The following ULK4 variants were observed in gnomAD, a reference collection of about 807,000 sequenced individuals.
ULK4 encodes inactive serine/threonine-protein kinase ULK4.
ULK4 carries 133 observed loss-of-function variants against 160.6 expected under a neutral mutation model. The observed-to-expected ratio is 0.83, with a 90% CI of 0.72 to 0.96. ULK4 has a LOEUF of 0.96. Ranked by LOEUF, ULK4 falls within the 40% of genes least tolerant of loss-of-function variation. The pLI, the probability that ULK4 is intolerant of heterozygous loss-of-function variation, is 0.00. For missense variants in ULK4, 1,580 were observed against 1,499.5 expected (o/e 1.05, Z -0.89); for synonymous variants, 534 against 539.8 (o/e 0.99, Z 0.15).
intron 35 of ULK4, among the ~76,000 whole-genome samples, chr3:41,255,581 T>C (rs192524903): frequency 6.6e-6 from 1 of 152,338 alleles, no homozygotes; most frequent in East Asian, 1.9e-4. Flanking sequence ...GCATAGCTAA[T>C]ACCAGATAAA....
chr3:41,652,099 C>T (rs190300407), intron 30 of ULK4, among the ~76,000 whole-genome samples: 225 of 152,274 alleles, frequency 1.5e-3, no homozygotes, highest in African/African-American at 5.2e-3. Context: ...GTGGACCCAA[C>T]TGAGCCTCAT....
intron 32 of ULK4, among the ~76,000 whole-genome samples, chr3:41,481,523 G>A (rs548314959): frequency 1.4e-4 from 21 of 152,286 alleles, no homozygotes; most frequent in Non-Finnish European, 3.1e-4. Context: ...ATATCCCACT[G>A]TCTTAAGAAC....
intron 21 of ULK4, among the ~76,000 whole-genome samples, chr3:41,769,592 G>A (rs554526805): frequency 1.8e-4 from 27 of 152,190 alleles, no homozygotes; most frequent in African/African-American, 5.5e-4. Context: ...CAGCATTCAC[G>A]GCCAGAAGCA....
At chr3:41,677,576 A>C (rs765101705) in intron 29 of ULK4, among the ~76,000 whole-genome samples, 7 of 148,058 alleles carry the variant, frequency 4.7e-5, no homozygotes, top group Admixed American at 2.7e-4. Context: ...TATGATCCGC[A>C]TGCCTCGGCC....
intron 30 of ULK4, among the ~76,000 whole-genome samples, chr3:41,659,204 A>G (rs1344349792): frequency 6.6e-6 from 1 of 152,248 alleles, no homozygotes; most frequent in Non-Finnish European, 1.5e-5. Context: ...TTTGTGGTAC[A>G]GTGTATCTGT....
chr3:41,889,557 G>A (rs1344088857), intron 16 of ULK4, among the ~76,000 whole-genome samples: 3 of 152,152 alleles, frequency 2.0e-5, no homozygotes, highest in Non-Finnish European at 2.9e-5. Flanking sequence ...TGGGAGGAGG[G>A]AGAGGATCAG....
intron 25 of ULK4, among the ~76,000 whole-genome samples, chr3:41,705,627 T>G (rs915549539): frequency 2.0e-5 from 3 of 151,962 alleles, no homozygotes; most frequent in African/African-American, 4.8e-5. Context: ...CTCCTGAGTA[T>G]CTGGGATTAC....
At chr3:41,559,020 T>TCC (rs1183770417) in intron 32 of ULK4, among the ~76,000 whole-genome samples, 36 of 133,038 alleles carry the variant, frequency 2.7e-4, no homozygotes, top group African/African-American at 8.0e-4. Context: ...ATGCTATCCC[T>TCC]CCCCCCTACC....
chr3:41,425,010 G>T (rs1906285), intron 34 of ULK4, among the ~76,000 whole-genome samples: 10 of 151,948 alleles, frequency 6.6e-5, no homozygotes, highest in Non-Finnish European at 1.0e-4. Flanking sequence ...AGCTAAAGGA[G>T]CATGTTGTAA....
chr3:41,463,095 C>A lies in ULK4; in HGVS notation c.3385G>T (p.Ala1129Ser). ...GAAAACAGATCCTCTACCTGCAAAG[C>A]CAGCCGTACAATACCGGAGGTATAG... is the stretch of plus-strand genomic sequence containing the variant. ...LTYTSGIVRL[A>S]LQAQKSGSGE... Residue 1129 changes from alanine (A) to serine (S), a missense_variant, in exon 33 of 37, where the codon GCT (alanine) becomes TCT (serine). Coordinates refer to ENST00000301831, the MANE Select transcript of ULK4 (RefSeq NM_017886.4). The A allele has an allele frequency of 6.2e-7, 1 of 1,612,744 alleles. No individual in the cohort carries two copies.
chr3:41,604,058 C>T (rs1419206655), intron 31 of ULK4, among the ~76,000 whole-genome samples: 2 of 151,886 alleles, frequency 1.3e-5, no homozygotes, highest in East Asian at 3.9e-4. Context: ...AGAAGAAAGG[C>T]CTCTATGAAA....
At chr3:41,773,577 C>A (rs1178657394) in intron 21 of ULK4, among the ~76,000 whole-genome samples, 1 of 152,122 alleles carries the variant, frequency 6.6e-6, no homozygotes, top group Non-Finnish European at 1.5e-5. Flanking sequence ...AAAGAGGATA[C>A]AAACAAATGG....
At chr3:41,387,882 T>C (rs572647886) in intron 35 of ULK4, among the ~76,000 whole-genome samples, 2 of 152,346 alleles carry the variant, frequency 1.3e-5, no homozygotes, top group African/African-American at 4.8e-5. Flanking sequence ...CCTTTGAGTA[T>C]ATACCCAGTA....
In ULK4 at chr3:41,704,979, T is replaced by C. The variant is rs2036819852; in HGVS notation, c.2781+78A>G. The C allele has an allele frequency of 1.2e-5, 14 of 1,153,054 alleles. 1 individual carries two copies. In the South Asian group the frequency reaches 1.7e-4, roughly 14 times the overall value. The allele number at this position is 1,153,054 out of a possible 1,614,324, so 71.4% of individuals were successfully genotyped here. On this transcript the variant is annotated intron_variant, in intron 27 of 36. Coordinates refer to ENST00000301831, the MANE Select transcript of ULK4 (RefSeq NM_017886.4). ...TGAGGAACACATATGAGCCAAGCAC[T>C]GTAAACGAGGCCTCTTTATATAAGG... is the stretch of plus-strand genomic sequence containing the variant.
At chr3:41,668,617 C>T (rs1001747560) in intron 29 of ULK4, among the ~76,000 whole-genome samples, 1 of 152,152 alleles carries the variant, frequency 6.6e-6, no homozygotes. Flanking sequence ...CCTAATGATG[C>T]ATTTCTCAGA....
At chr3:41,677,575 C>A (rs557969711) in intron 29 of ULK4, among the ~76,000 whole-genome samples, 3 of 152,056 alleles carry the variant, frequency 2.0e-5, no homozygotes, top group African/African-American at 4.8e-5. Context: ...TTATGATCCG[C>A]ATGCCTCGGC....
chr3:41,432,182 A>G (rs2082930273), intron 34 of ULK4, among the ~76,000 whole-genome samples: 1 of 152,202 alleles, frequency 6.6e-6, no homozygotes, highest in South Asian at 2.1e-4. Flanking sequence ...ACATTGGAAG[A>G]GGCTGAGATA....
chr3:41,720,635 T>C (rs896408743), intron 22 of ULK4, among the ~76,000 whole-genome samples: 1 of 151,826 alleles, frequency 6.6e-6, no homozygotes, highest in Admixed American at 6.6e-5. Flanking sequence ...AAAATATAAA[T>C]GGTTCAAGAA....
rs1559658130 is a variant in ULK4, at chr3:41,506,773, T to TATATAAATATATAA, written c.3227-43521_3227-43520insTTATATATTTATAT. 9.9e-5 allele frequency among the ~76,000 whole-genome samples: 2 copies of TATATAAATATATAA among 20,110 alleles called. 1 individual carries two copies. The highest frequency in any genetic ancestry group is 2.2e-4 in the Non-Finnish European group (2 of 9,156). The allele number at this position is 20,110 out of a possible 152,430, so 13.2% of individuals were successfully genotyped here. A position where few individuals can be genotyped will look rare whatever the true frequency, so the allele number is the denominator to read the frequency against. On this transcript the variant is annotated intron_variant, in intron 32 of 36. Transcript: ENST00000301831. ...ACACTGGAGTGTGATTTAAAATATATATATATATATATATATATATATATA... is the reference window on the plus strand; with the variant it reads ...ACACTGGAGTGTGATTTAAAATATATATATAAATATATAAATATATATATATATATATATATATA...
Sources: gnomAD v4.1 joint callset for allele counts (sites outside exome capture counted in the v4.1 genomes callset) on GRCh38, gnomAD v4.1.1 for gene constraint, MANE v1.5 for transcripts, NCBI Gene and HGNC (gene_info 2026-07-23, HGNC 2026-07-21) for gene names.